Variants in LGSN observed in about 807,000 individuals in gnomAD.
LGSN encodes lengsin.
LGSN carries 21 observed loss-of-function variants against 19.5 expected under a neutral mutation model. The observed-to-expected ratio is 1.07, with a 90% CI of 0.76 to 1.55. The LOEUF is 1.55. LGSN is among the 40% of genes most tolerant of loss of function. The pLI is 0.00. For missense variants in LGSN, 673 were observed against 608.5 expected (o/e 1.11, Z -1.12); for synonymous variants, 257 against 215.6 (o/e 1.19, Z -1.68).
At chr6:63,317,652 G>A (rs1446331952) in intron 1 of LGSN, among the ~76,000 whole-genome samples, 1 of 152,156 alleles carries the variant, frequency 6.6e-6, no homozygotes, top group African/African-American at 2.4e-5. Flanking sequence ...ACAGACAATA[G>A]CATAAAGCAG....
the LGSN span, among the ~76,000 whole-genome samples, chr6:63,558,189 G>A: frequency 1.3e-5 from 2 of 152,082 alleles, no homozygotes; most frequent in African/African-American, 4.8e-5. Context: ...TTTTTAAAAT[G>A]CAGGGTGGAT....
At position 63,297,068 on chromosome 6, in the gene LGSN, G is replaced by A. The variant is rs184186803; in HGVS notation, c.31-2023C>T. Among the ~76,000 whole-genome samples, 8 of 152,082 alleles carry A rather than the reference G, an allele frequency of 5.3e-5. No homozygotes were observed. In the East Asian group the frequency reaches 5.8e-4, roughly 11 times the overall value. On this transcript the variant is annotated intron_variant, in intron 1 of 3. Coordinates refer to ENST00000370657, the MANE Select transcript of LGSN (RefSeq NM_016571.3). ...ATAAGAGCCCAAAAACTGACCAGGC[G>A]CGGTGGCTCACACATGTAATCCCAG...
the LGSN span, among the ~76,000 whole-genome samples, chr6:63,554,055 G>A: frequency 6.6e-6 from 1 of 152,138 alleles, no homozygotes; most frequent in South Asian, 2.1e-4. Flanking sequence ...GAGGGGAGGA[G>A]TAATTCAGTG....
At chr6:63,474,748 C>G in the LGSN span, among the ~76,000 whole-genome samples, 10,532 of 150,902 alleles carry the variant, frequency 0.07, 478 homozygotes, top group Non-Finnish European at 0.11. Flanking sequence ...ATGGTGAAAC[C>G]CTGTCTCTAC....
chr6:63,382,216 TTA>T, the LGSN span, among the ~76,000 whole-genome samples: 4 of 152,224 alleles, frequency 2.6e-5, no homozygotes, highest in Non-Finnish European at 5.9e-5. Flanking sequence ...ACTTACATTT[TTA>T]TATAGACTCA....
chr6:63,569,442 G>C, the LGSN span, among the ~76,000 whole-genome samples: 1 of 152,082 alleles, frequency 6.6e-6, no homozygotes, highest in Non-Finnish European at 1.5e-5. Flanking sequence ...ATTTTTAGTA[G>C]AGATGGGTTT....
chr6:63,404,824 CTTTAAG>C, the LGSN span, among the ~76,000 whole-genome samples: 1 of 151,890 alleles, frequency 6.6e-6, no homozygotes, highest in East Asian at 1.9e-4. Flanking sequence ...TATTATTATA[CTTTAAG>C]TTTTAGGGTA....
intron 3 of LGSN, among the ~76,000 whole-genome samples, chr6:63,282,594 T>C (rs553995303): frequency 2.8e-4 from 43 of 152,298 alleles, no homozygotes; most frequent in Non-Finnish European, 5.3e-4. Flanking sequence ...TTAGCCAAAG[T>C]AATTTACTGG....
chr6:63,351,470 A>G, the LGSN span, among the ~76,000 whole-genome samples: 1 of 152,020 alleles, frequency 6.6e-6, no homozygotes, highest in East Asian at 1.9e-4. Context: ...AAAGAGAGAC[A>G]GAAACAGAGA....
At chr6:63,536,632 AT>A in the LGSN span, among the ~76,000 whole-genome samples, 7 of 152,158 alleles carry the variant, frequency 4.6e-5, no homozygotes, top group African/African-American at 1.7e-4. Flanking sequence ...CTACTGTAAC[AT>A]TTGTGTCAGT....
chr6:63,531,925 C>T, the LGSN span, among the ~76,000 whole-genome samples: 1,052 of 152,088 alleles, frequency 6.9e-3, 6 homozygotes, highest in Non-Finnish European at 9.9e-3. Flanking sequence ...CTCAGCCTCC[C>T]GAGTAGCTGG....
chr6:63,366,566 C>A, the LGSN span, among the ~76,000 whole-genome samples: 2 of 152,126 alleles, frequency 1.3e-5, no homozygotes, highest in African/African-American at 2.4e-5. Flanking sequence ...CAATGACTTT[C>A]TTCACAGAAT....
At chr6:63,512,299 T>C in the LGSN span, among the ~76,000 whole-genome samples, 2 of 152,156 alleles carry the variant, frequency 1.3e-5, no homozygotes, top group African/African-American at 2.4e-5. Context: ...ACCAGGCTGG[T>C]CTGGAACTCC....
Position 63,308,712 on chromosome 6 carries a change from G to T in LGSN, c.30+11202C>A, listed in dbSNP as rs555803247. Among the ~76,000 whole-genome samples, 4 of 152,102 alleles carry T rather than the reference G, an allele frequency of 2.6e-5. No individual in the cohort carries two copies. In the East Asian group the frequency reaches 7.7e-4, roughly 29 times the overall value. ...AACATCTGATTTTGTTAATGAGAGA[G>T]GTGCATGAAAACGCAAACAAGCAAA... On this transcript the variant is annotated intron_variant, in intron 1 of 3. Transcript: ENST00000370657.
chr6:63,394,704 A>G, the LGSN span, among the ~76,000 whole-genome samples: 1 of 152,054 alleles, frequency 6.6e-6, no homozygotes, highest in Non-Finnish European at 1.5e-5. Flanking sequence ...TCTTTTTTGC[A>G]CGAGATCCAA....
chr6:63,532,899 T>A, the LGSN span, among the ~76,000 whole-genome samples: 3 of 152,196 alleles, frequency 2.0e-5, no homozygotes, highest in African/African-American at 7.2e-5. Flanking sequence ...TTTTAGCTAA[T>A]CCATTAATAA....
the LGSN span, among the ~76,000 whole-genome samples, chr6:63,348,741 C>CTTTTTTT: frequency 9.4e-6 from 1 of 106,702 alleles, no homozygotes; most frequent in African/African-American, 3.4e-5. Flanking sequence ...AAGATTTTTA[C>CTTTTTTT]TTTTTTTTTT....
the LGSN span, among the ~76,000 whole-genome samples, chr6:63,553,222 A>G: frequency 1.8e-4 from 28 of 152,330 alleles, no homozygotes; most frequent in Admixed American, 1.7e-3. Flanking sequence ...GCTTAGTTTA[A>G]CGTAATCTGT....
chr6:63,328,785 G>C, the LGSN span, among the ~76,000 whole-genome samples: 1 of 152,200 alleles, frequency 6.6e-6, no homozygotes, highest in Non-Finnish European at 1.5e-5. Context: ...TCTGCCTCTG[G>C]TTCCCATTCT....
Sources: allele counts gnomAD v4.1 joint callset (sites outside exome capture counted in the v4.1 genomes callset), GRCh38; gene constraint gnomAD v4.1.1; transcripts MANE v1.5; gene names NCBI Gene and HGNC (gene_info 2026-07-23, HGNC 2026-07-21).